Variants in SLCO3A1 observed in about 807,000 individuals in gnomAD.
SLCO3A1 encodes the protein PGE1 transporter.
In SLCO3A1, 27 loss-of-function variants were observed where a neutral mutation model predicts 63.1. That is an observed-to-expected ratio of 0.43 (90% CI 0.32 to 0.59). The LOEUF (loss-of-function observed/expected upper bound fraction) is 0.59. Ranked by LOEUF, SLCO3A1 falls within the 20% of genes least tolerant of loss-of-function variation. The probability of loss-of-function intolerance (pLI) is 0.09; values close to 1 mark genes in which losing one functional copy is unlikely to be tolerated. For synonymous variants in SLCO3A1, 473 were observed against 409.9 expected (o/e 1.15, Z -1.86); for missense variants, 773 against 945.8 (o/e 0.82, Z 2.40).
chr15:92,072,508 G>A (rs1284884865), intron 2 of SLCO3A1, among the ~76,000 whole-genome samples: 3 of 152,150 alleles, frequency 2.0e-5, no homozygotes, highest in African/African-American at 7.2e-5. Flanking sequence ...TTGGTTTTCT[G>A]AGACTATGCA....
intron 4 of SLCO3A1, among the ~76,000 whole-genome samples, chr15:92,108,438 G>A (rs1036014649): frequency 6.6e-6 from 1 of 152,164 alleles, no homozygotes; most frequent in Non-Finnish European, 1.5e-5. Context: ...TAAGCCGTGT[G>A]TGGGCAAGAC....
chr15:91,914,569 T>A (rs940285858), intron 1 of SLCO3A1, among the ~76,000 whole-genome samples: 2 of 113,488 alleles, frequency 1.8e-5, no homozygotes, highest in Middle Eastern at 3.8e-3. Context: ...TTTTCTTCCT[T>A]TTTTTTTTTT....
At chr15:91,929,733 T>C (rs1346597143) in intron 2 of SLCO3A1, among the ~76,000 whole-genome samples, 1 of 152,180 alleles carries the variant, frequency 6.6e-6, no homozygotes, top group Non-Finnish European at 1.5e-5. Flanking sequence ...ACCACCATTC[T>C]ACTTTCTGTC....
At chr15:92,046,301 G>T (rs928223697) in intron 2 of SLCO3A1, among the ~76,000 whole-genome samples, 3 of 151,952 alleles carry the variant, frequency 2.0e-5, no homozygotes, top group African/African-American at 7.2e-5. Context: ...GGTCACTTGA[G>T]ATCAGGAGTT....
At chr15:91,986,640 C>T (rs1239992228) in intron 2 of SLCO3A1, among the ~76,000 whole-genome samples, 1 of 151,762 alleles carries the variant, frequency 6.6e-6, no homozygotes, top group Non-Finnish European at 1.5e-5. Flanking sequence ...TTGACACTTC[C>T]AGCGCACCTC....
At chr15:91,991,866 G>A (rs1216717541) in intron 2 of SLCO3A1, among the ~76,000 whole-genome samples, 3 of 152,196 alleles carry the variant, frequency 2.0e-5, no homozygotes, top group African/African-American at 7.2e-5. Flanking sequence ...TATTCATTAT[G>A]CTTGTGTAGA....
chr15:91,907,795 G>A (rs1898357592), intron 1 of SLCO3A1, among the ~76,000 whole-genome samples: 1 of 152,132 alleles, frequency 6.6e-6, no homozygotes. Flanking sequence ...CAAAGTGCTG[G>A]GATTACAGGC....
chr15:91,886,865 A>T lies in SLCO3A1; in HGVS notation c.181-29128A>T, dbSNP rs1897736941. On this transcript the variant is annotated intron_variant, in intron 1 of 9. Coordinates refer to ENST00000318445, the MANE Select transcript of SLCO3A1 (RefSeq NM_013272.4). The surrounding 1 kb of genome is among the most constrained non-coding windows in gnomAD (Gnocchi z 4.9). ...CAAGTGCCTTATATATTCTGTTTCT[A>T]GTCTTGCAATTTGTATATTATCATT... 6.6e-6 allele frequency among the ~76,000 whole-genome samples: 1 copy of T among 152,174 alleles called. No individual in the cohort carries two copies. The highest frequency in any genetic ancestry group is 2.4e-5 in the African/African-American group (1 of 41,422).
chr15:92,165,989 G>A (rs552186910), downstream of SLCO3A1: 121 of 657,208 alleles, frequency 1.8e-4, no homozygotes, highest in South Asian at 5.6e-3. Flanking sequence ...TCTCTCTGCT[G>A]AAATTGACAG....
At position 91,967,930 on chromosome 15, in the gene SLCO3A1, G is replaced by C. The variant is rs995303951; in HGVS notation, c.646+51472G>C. 6.6e-6 allele frequency among the ~76,000 whole-genome samples: 1 copy of C among 152,186 alleles called. No individual in the cohort carries two copies. Among genetic ancestry groups the C allele is most frequent in the Non-Finnish European group, 1.5e-5 (1 of 68,038 alleles). On this transcript the variant is annotated intron_variant, in intron 2 of 9. Coordinates refer to ENST00000318445, the MANE Select transcript of SLCO3A1 (RefSeq NM_013272.4). This position sits in a 1 kb window ranked among gnomAD's most constrained non-coding sequence, Gnocchi z 4.4. ...AATCCACAGGCAGCTAAATCAAGAA[G>C]GTGGCTCTCTTCCCTCCTCTTTGCT...
chr15:91,909,956 C>A (rs1407755327), intron 1 of SLCO3A1, among the ~76,000 whole-genome samples: 1 of 152,230 alleles, frequency 6.6e-6, no homozygotes, highest in African/African-American at 2.4e-5. Flanking sequence ...CTCCCTGATA[C>A]CTGCACAGCA....
intron 2 of SLCO3A1, among the ~76,000 whole-genome samples, chr15:92,025,840 T>C (rs1334533429): frequency 1.3e-5 from 2 of 152,218 alleles, no homozygotes; most frequent in Non-Finnish European, 2.9e-5. Flanking sequence ...TAAGAGTTAA[T>C]GTTTCCCAAG....
In SLCO3A1 at chr15:92,137,648, T is replaced by G. The variant is rs1203209199; in HGVS notation, c.1512+9159T>G. Among the ~76,000 whole-genome samples, 2 of 109,464 alleles carry G rather than the reference T, an allele frequency of 1.8e-5. 1 individual carries two copies. Among genetic ancestry groups the G allele is most frequent in the Admixed American group, 1.9e-4 (2 of 10,646 alleles). The allele number at this position is 109,464 out of a possible 152,430, so 71.8% of individuals were successfully genotyped here. A position where few individuals can be genotyped will look rare whatever the true frequency, so the allele number is the denominator to read the frequency against. On this transcript the variant is annotated intron_variant, in intron 7 of 9. Transcript: ENST00000318445. ...TCTCCAGCACCTGTTGTGTCCTCAC[T>G]TTTTAATGATTGCCATTCTAACTGG...
chr15:92,157,835 A>T (rs1038159570), intron 9 of SLCO3A1, among the ~76,000 whole-genome samples: 2 of 152,188 alleles, frequency 1.3e-5, no homozygotes, highest in African/African-American at 2.4e-5. Flanking sequence ...CATCCCATTG[A>T]TTCTTTACAA....
chr15:91,973,831 C>G (rs1389063448), intron 2 of SLCO3A1, among the ~76,000 whole-genome samples: 1 of 152,194 alleles, frequency 6.6e-6, no homozygotes. Context: ...AAGGGGAAAG[C>G]AGGCTCTCGA....
intron 9 of SLCO3A1, 63 bp from the exon 10 acceptor site, chr15:92,162,693 G>A: frequency 6.5e-6 from 10 of 1,535,038 alleles, no homozygotes; most frequent in Non-Finnish European, 8.7e-6. Flanking sequence ...GCTAGGCAGA[G>A]ACAGGAACAG....
At chr15:92,080,895 CG>C (rs147397422) in intron 2 of SLCO3A1, among the ~76,000 whole-genome samples, 1,815 of 145,872 alleles carry the variant, frequency 0.012, 33 homozygotes, top group African/African-American at 0.044. Flanking sequence ...TTTTTTTGGG[CG>C]GGGGAAGGTA....
chr15:91,999,196 T>A (rs2046225377), intron 2 of SLCO3A1, among the ~76,000 whole-genome samples: 1 of 152,168 alleles, frequency 6.6e-6, no homozygotes, highest in Non-Finnish European at 1.5e-5. Flanking sequence ...TCCACCTGGG[T>A]GATGGGATCG....
At chr15:92,015,969 A>G (rs903795680) in intron 2 of SLCO3A1, among the ~76,000 whole-genome samples, 4 of 152,304 alleles carry the variant, frequency 2.6e-5, no homozygotes, top group East Asian at 1.9e-4. Flanking sequence ...TTGGTCACCA[A>G]ATGAATTGCA....
Sources: allele counts gnomAD v4.1 joint callset (sites outside exome capture counted in the v4.1 genomes callset), GRCh38; gene constraint gnomAD v4.1.1; non-coding constraint Gnocchi (gnomAD v3.1); transcripts MANE v1.5; gene names NCBI Gene and HGNC (gene_info 2026-07-23, HGNC 2026-07-21).